Variants in SORL1-AS1 observed in about 807,000 individuals in gnomAD.
SORL1-AS1 encodes the protein SORL1 antisense RNA 1, also known as lncRNA 51 A.
chr11:121,452,836 G>A lies in SORL1-AS1; in HGVS notation n.178C>T, dbSNP rs1051612245. 1.7e-5 allele frequency: 8 copies of A among 476,560 alleles called. No homozygotes were observed. The highest frequency in any genetic ancestry group is 4.3e-5 in the Admixed American group (1 of 23,014). 29.5% of individuals were successfully genotyped at this position (476,560 alleles called of 1,614,324 possible). A position where few individuals can be genotyped will look rare whatever the true frequency, so the allele number is the denominator to read the frequency against. On this transcript the variant is annotated non_coding_transcript_exon_variant, in exon 1 of 2. Coordinates refer to ENST00000501964, the Ensembl canonical transcript of SORL1-AS1. This position sits in a 1 kb window ranked among gnomAD's most constrained non-coding sequence, Gnocchi z 5.3. ...TTAGTAAACGTATTCCAGGTAACTC[G>A]CCGGGTGCAGTGCGTATTACCCCAG... is the stretch of plus-strand genomic sequence containing the variant.
rs767334696 is a variant in SORL1-AS1, at chr11:121,452,603, A to G, written n.339+72T>C. 24 of 1,514,448 alleles carry G rather than the reference A, an allele frequency of 1.6e-5. No individual in the cohort carries two copies. The highest frequency in any genetic ancestry group is 1.8e-5 in the Non-Finnish European group (21 of 1,138,976). The allele number at this position is 1,514,448 out of a possible 1,614,324, so 93.8% of individuals were successfully genotyped here. The stretch of plus-strand genomic sequence containing the variant: ...GCTGCCCTGCAGCCCGAGCCCATCA[A>G]GGTGTACGGACAGGTGAGCAGTTTT... On this transcript the variant is annotated intron_variant and non_coding_transcript_variant, in intron 1 of 1. Transcript: ENST00000501964. This position sits in a 1 kb window ranked among gnomAD's most constrained non-coding sequence, Gnocchi z 5.3.
chr11:121,438,986 A>G, the SORL1-AS1 span, among the ~76,000 whole-genome samples: 1 of 152,254 alleles, frequency 6.6e-6, no homozygotes, highest in Non-Finnish European at 1.5e-5. Context: ...AGACGGCTCC[A>G]CTGCACTCCA....
chr11:121,441,530 CAAAAA>C, the SORL1-AS1 span, among the ~76,000 whole-genome samples: 1 of 52,386 alleles, frequency 1.9e-5, no homozygotes, highest in Non-Finnish European at 3.6e-5. Flanking sequence ...GACTCTGTCT[CAAAAA>C]AAAAAAAAAA....
the SORL1-AS1 span, among the ~76,000 whole-genome samples, chr11:121,440,592 T>C: frequency 2.0e-5 from 3 of 152,220 alleles, no homozygotes; most frequent in African/African-American, 7.2e-5. Context: ...AACTAGAATT[T>C]CTTTCTCCCA....
chr11:121,448,409 G>A (rs1860750254), exon 2 of SORL1-AS1: 1 of 152,160 alleles, frequency 6.6e-6, no homozygotes, highest in Non-Finnish European at 1.5e-5. Context: ...TTTCTATTTT[G>A]CCTGAGCTGG....
intron 1 of SORL1-AS1, among the ~76,000 whole-genome samples, chr11:121,451,181 G>A (rs190800234): frequency 1.0e-3 from 154 of 152,246 alleles, no homozygotes; most frequent in African/African-American, 3.5e-3. Flanking sequence ...GAGTTCAGAG[G>A]GCAGTGAAAC....
intron 1 of SORL1-AS1, among the ~76,000 whole-genome samples, chr11:121,451,045 T>C (rs4935774): frequency 0.31 from 47,481 of 151,946 alleles, 9,056 homozygotes; most frequent in African/African-American, 0.54. Flanking sequence ...AGATGAGGAA[T>C]GTTTTTAGAA....
At position 121,452,149 on chromosome 11, in the gene SORL1-AS1, C is replaced by G. The variant is rs1237693465; in HGVS notation, n.339+526G>C. 1 of 171,174 alleles carries G rather than the reference C, an allele frequency of 5.8e-6. No individual in the cohort carries two copies. Among genetic ancestry groups the G allele is most frequent in the Non-Finnish European group, 1.2e-5 (1 of 86,346 alleles). 10.6% of individuals were successfully genotyped at this position (171,174 alleles called of 1,614,324 possible). ...GCTGCGAGCCTCACACGTGACGGCGCCGCGCCGAACCGAGCGGGACCTGGC... is the reference window on the plus strand; with the variant it reads ...GCTGCGAGCCTCACACGTGACGGCGGCGCGCCGAACCGAGCGGGACCTGGC... On this transcript the variant is annotated intron_variant and non_coding_transcript_variant, in intron 1 of 1. Transcript: ENST00000501964. The surrounding 1 kb of genome is among the most constrained non-coding windows in gnomAD (Gnocchi z 5.3).
downstream of SORL1-AS1, among the ~76,000 whole-genome samples, chr11:121,444,540 C>T (rs989058861): frequency 6.6e-6 from 1 of 152,174 alleles, no homozygotes; most frequent in African/African-American, 2.4e-5. Flanking sequence ...CTTTACACTG[C>T]ACATGGATGC....
At chr11:121,440,768 T>C in the SORL1-AS1 span, among the ~76,000 whole-genome samples, 346 of 152,342 alleles carry the variant, frequency 2.3e-3, 3 homozygotes, top group Middle Eastern at 6.8e-3. Context: ...ACCACTAGAT[T>C]ATACCCTTTT....
intron 1 of SORL1-AS1, among the ~76,000 whole-genome samples, chr11:121,451,761 C>T (rs1006975257): frequency 4.6e-5 from 7 of 152,176 alleles, no homozygotes; most frequent in Non-Finnish European, 1.5e-5. Flanking sequence ...TTCATCTGGA[C>T]TCTTGTTGGT....
chr11:121,440,259 A>G, the SORL1-AS1 span, among the ~76,000 whole-genome samples: 1 of 152,238 alleles, frequency 6.6e-6, no homozygotes, highest in Admixed American at 6.5e-5. Context: ...CTGTAATTCC[A>G]GCTACACGGG....
chr11:121,451,914 G>T (rs1257617678), intron 1 of SORL1-AS1, among the ~76,000 whole-genome samples: 1 of 152,118 alleles, frequency 6.6e-6, no homozygotes, highest in African/African-American at 2.4e-5. Context: ...ACCTCGACAC[G>T]ACCCTGTATA....
chr11:121,444,874 A>G (rs927506393), downstream of SORL1-AS1, among the ~76,000 whole-genome samples: 1 of 152,212 alleles, frequency 6.6e-6, no homozygotes, highest in Non-Finnish European at 1.5e-5. Context: ...TTTCAAAGAA[A>G]ATTCATACAC....
downstream of SORL1-AS1, among the ~76,000 whole-genome samples, chr11:121,445,696 C>A (rs758000043): frequency 2.6e-5 from 4 of 151,958 alleles, no homozygotes; most frequent in Non-Finnish European, 5.9e-5. Flanking sequence ...ACACCTGAAA[C>A]CACAGCTCAT....
At chr11:121,451,508 C>G (rs1860792493) in intron 1 of SORL1-AS1, among the ~76,000 whole-genome samples, 1 of 152,210 alleles carries the variant, frequency 6.6e-6, no homozygotes, top group Non-Finnish European at 1.5e-5. Context: ...GGCCCTGTGC[C>G]ACGCACAGGT....
intron 1 of SORL1-AS1, among the ~76,000 whole-genome samples, chr11:121,451,118 C>G (rs1263433271): frequency 1.3e-5 from 2 of 152,278 alleles, no homozygotes; most frequent in East Asian, 3.9e-4. Context: ...TAAAGGTAGT[C>G]TCCCTTTCAG....
chr11:121,452,798 T>A lies in SORL1-AS1; in HGVS notation n.216A>T. Reference sequence around the variant, plus strand: ...CACTTGAATCGCATTGATCTTTCCTTCTTCCTGTCGATTTAGTAAACGTAT... The same window carrying A: ...CACTTGAATCGCATTGATCTTTCCTACTTCCTGTCGATTTAGTAAACGTAT... On this transcript the variant is annotated non_coding_transcript_exon_variant, in exon 1 of 2. Transcript: ENST00000501964. The surrounding 1 kb of genome is among the most constrained non-coding windows in gnomAD (Gnocchi z 5.3). The A allele has an allele frequency of 1.9e-6, 1 of 517,544 alleles. No individual in the cohort carries two copies. The highest frequency in any genetic ancestry group is 3.2e-6 in the Non-Finnish European group (1 of 309,212). The allele number at this position is 517,544 out of a possible 1,614,324, so 32.1% of individuals were successfully genotyped here. A position where few individuals can be genotyped will look rare whatever the true frequency, so the allele number is the denominator to read the frequency against.
chr11:121,438,792 C>A, the SORL1-AS1 span, among the ~76,000 whole-genome samples: 7 of 152,162 alleles, frequency 4.6e-5, no homozygotes, highest in Admixed American at 2.6e-4. Flanking sequence ...CTTTGGGAGG[C>A]CGAGGCAGGC....
Sources: allele counts gnomAD v4.1 joint callset (sites outside exome capture counted in the v4.1 genomes callset), GRCh38; gene constraint gnomAD v4.1.1; non-coding constraint Gnocchi (gnomAD v3.1); transcripts MANE v1.5; gene names NCBI Gene and HGNC (gene_info 2026-07-23, HGNC 2026-07-21).